TUSC3: variants seen among roughly 807,000 people sequenced by gnomAD.
The protein encoded by TUSC3 is dolichyl-diphosphooligosaccharide--protein glycosyltransferase subunit TUSC3.
TUSC3 carries 45 observed loss-of-function variants against 44.8 expected under a neutral mutation model. The ratio of observed to expected loss-of-function variants is 1.00; its 90% CI spans 0.79 to 1.29. The LOEUF (loss-of-function observed/expected upper bound fraction) is 1.29, where lower values mean the gene tolerates loss of function less well. Among genes scored for constraint, TUSC3 ranks in the 50% most tolerant of loss-of-function variants. TUSC3 has a pLI of 0.00. For missense variants in TUSC3, 519 were observed against 437.9 expected, an observed-to-expected ratio of 1.19 and a Z score of -1.65; for synonymous variants, 212 against 152.9, an observed-to-expected ratio of 1.39 and a Z score of -2.85.
the TUSC3 span, among the ~76,000 whole-genome samples, chr8:15,810,316 C>T: frequency 3.3e-5 from 5 of 152,084 alleles, no homozygotes; most frequent in Non-Finnish European, 7.3e-5. Context: ...TGCCAATTCA[C>T]TATATATGAG....
At chr8:15,618,072 T>TA (rs767207172) in intron 1 of TUSC3, among the ~76,000 whole-genome samples, 111 of 151,892 alleles carry the variant, frequency 7.3e-4, no homozygotes, top group South Asian at 6.9e-3. Context: ...GTATAAAAGG[T>TA]AAAAAAAATG....
intron 1 of TUSC3, among the ~76,000 whole-genome samples, chr8:15,463,956 C>G (rs1043958570): frequency 2.0e-5 from 3 of 152,168 alleles, no homozygotes; most frequent in African/African-American, 7.2e-5. Flanking sequence ...TAGCAGCATT[C>G]CTTGACTACA....
chr8:15,576,074 T>G (rs932920682), intron 1 of TUSC3, among the ~76,000 whole-genome samples: 7 of 151,790 alleles, frequency 4.6e-5, no homozygotes, highest in Non-Finnish European at 7.4e-5. Flanking sequence ...TTGAACCTAT[T>G]ACTAAAGTTT....
chr8:15,595,514 G>A (rs1336915032), intron 1 of TUSC3, among the ~76,000 whole-genome samples: 4 of 152,090 alleles, frequency 2.6e-5, no homozygotes, highest in Non-Finnish European at 5.9e-5. Context: ...AGGCATCAGC[G>A]TCTTTTATAT....
At chr8:15,848,654 G>A in the TUSC3 span, among the ~76,000 whole-genome samples, 9 of 152,150 alleles carry the variant, frequency 5.9e-5, no homozygotes, top group African/African-American at 2.2e-4. Context: ...AGACAAAGTG[G>A]TAACCACTGT....
At chr8:15,661,817 T>C (rs1026124827) in intron 4 of TUSC3, among the ~76,000 whole-genome samples, 12 of 142,150 alleles carry the variant, frequency 8.4e-5, no homozygotes, top group African/African-American at 2.6e-4. Flanking sequence ...TATATATATA[T>C]ACATGAGTCT....
At chr8:15,548,828 A>G (rs1232910080) in intron 1 of TUSC3, among the ~76,000 whole-genome samples, 1 of 151,862 alleles carries the variant, frequency 6.6e-6, no homozygotes, top group Non-Finnish European at 1.5e-5. Context: ...ATACAACGCT[A>G]TTTGTCAATT....
At chr8:15,642,973 G>A (rs529251855) in intron 2 of TUSC3, among the ~76,000 whole-genome samples, 16 of 152,144 alleles carry the variant, frequency 1.1e-4, no homozygotes, top group Middle Eastern at 3.4e-3. Context: ...TAAATGATAC[G>A]GCTTGACTGT....
the TUSC3 span, among the ~76,000 whole-genome samples, chr8:15,828,106 T>A: frequency 6.6e-6 from 1 of 151,456 alleles, no homozygotes; most frequent in Non-Finnish European, 1.5e-5. Flanking sequence ...GCAACTCTCC[T>A]GCCTCAGCCA....
chr8:15,575,269 G>A lies in TUSC3; in HGVS notation c.138+34701G>A, dbSNP rs185910220. On this transcript the variant is annotated intron_variant, in intron 1 of 10. Transcript: ENST00000503731. ...ACTTTGTTTTAAAAGGACTAAGACT[G>A]CTTTGTCATGTAGCCAATGTGTTGT... is the stretch of plus-strand genomic sequence containing the variant. Among the ~76,000 whole-genome samples, 24 of 152,184 alleles carry A rather than the reference G, an allele frequency of 1.6e-4. No individual in the cohort carries two copies. In the East Asian group the frequency reaches 4.6e-3, roughly 29 times the overall value.
intron 2 of TUSC3, among the ~76,000 whole-genome samples, chr8:15,530,862 G>C (rs73665434): frequency 6.6e-6 from 1 of 152,186 alleles, no homozygotes; most frequent in African/African-American, 2.4e-5. Flanking sequence ...ATGTGAGAAA[G>C]AACTGAGCAG....
intron 1 of TUSC3, among the ~76,000 whole-genome samples, chr8:15,441,501 G>T (rs1800020040): frequency 6.6e-6 from 1 of 152,310 alleles, no homozygotes; most frequent in Non-Finnish European, 1.5e-5. Flanking sequence ...AACAATATCA[G>T]TGATATTCTT....
the TUSC3 span, among the ~76,000 whole-genome samples, chr8:15,787,865 C>G: frequency 6.6e-6 from 1 of 152,192 alleles, no homozygotes; most frequent in Non-Finnish European, 1.5e-5. Context: ...ACTTTAATCA[C>G]AAGCCCAGTA....
rs62503660 is a variant in TUSC3 at position 15,711,995 on chromosome 8, G to C, written c.799-18671G>C. On this transcript the variant is annotated intron_variant, in intron 6 of 10. Coordinates refer to ENST00000503731, the MANE Select transcript of TUSC3 (RefSeq NM_006765.4). ...TATTGTTGTGATTTGTTCAGACCTT[G>C]ATTTTTAATCTTTTCCTTCCAAGAA... Among the ~76,000 whole-genome samples, 83 of 151,924 alleles carry C rather than the reference G, an allele frequency of 5.5e-4. 1 individual carries two copies. Among genetic ancestry groups the C allele is most frequent in the Non-Finnish European group, 9.6e-4 (65 of 67,836 alleles).
At chr8:15,780,234 G>T in the TUSC3 span, among the ~76,000 whole-genome samples, 237 of 152,224 alleles carry the variant, frequency 1.6e-3, 1 homozygote, top group Admixed American at 4.1e-3. Context: ...ACCTTAAATG[G>T]GTAGGCAAAG....
intron 2 of TUSC3, among the ~76,000 whole-genome samples, chr8:15,501,278 C>T (rs1353812970): frequency 1.3e-5 from 2 of 152,116 alleles, no homozygotes; most frequent in Non-Finnish European, 2.9e-5. Context: ...TATGAAAACA[C>T]TCTCTAGGCT....
intron 1 of TUSC3, among the ~76,000 whole-genome samples, chr8:15,542,408 G>A (rs1801722667): frequency 6.6e-6 from 1 of 151,962 alleles, no homozygotes; most frequent in South Asian, 2.1e-4. Flanking sequence ...CCAAGAAGAA[G>A]GAGGGTATAA....
the TUSC3 span, among the ~76,000 whole-genome samples, chr8:15,845,261 C>T: frequency 4.4e-4 from 67 of 152,192 alleles, no homozygotes; most frequent in African/African-American, 1.5e-3. Context: ...ACCAGGTAGC[C>T]ATGTGACCCT....
intron 1 of TUSC3, among the ~76,000 whole-genome samples, chr8:15,453,987 C>T (rs114866140): frequency 0.01 from 1,589 of 152,260 alleles, 25 homozygotes; most frequent in African/African-American, 0.031. Context: ...CAGAGATTAA[C>T]TGGTATATTA....
Sources: gnomAD v4.1 joint callset for allele counts (sites outside exome capture counted in the v4.1 genomes callset) on GRCh38, gnomAD v4.1.1 for gene constraint, MANE v1.5 for transcripts, NCBI Gene and HGNC (gene_info 2026-07-23, HGNC 2026-07-21) for gene names.